ELAPOR2: variants seen among roughly 807,000 people sequenced by gnomAD.
The protein encoded by ELAPOR2 is endosome/lysosome-associated apoptosis and autophagy regulator family member 2.
Under a neutral mutation model 120.7 loss-of-function variants are expected in ELAPOR2, and 89 were observed. The ratio of observed to expected loss-of-function variants is 0.74; its 90% CI spans 0.62 to 0.88. The LOEUF (loss-of-function observed/expected upper bound fraction) is 0.88. Among genes scored for constraint, ELAPOR2 ranks in the 40% least tolerant of loss-of-function variants. ELAPOR2 has a pLI of 0.00. For missense variants in ELAPOR2, 1,134 were observed against 1,251.6 expected, an observed-to-expected ratio of 0.91 and a Z score of 1.42; for synonymous variants, 444 against 444.9, an observed-to-expected ratio of 1.00 and a Z score of 0.03.
chr7:87,053,129 T>C (rs1168772279), intron 1 of ELAPOR2, among the ~76,000 whole-genome samples: 1 of 152,126 alleles, frequency 6.6e-6, no homozygotes, highest in Non-Finnish European at 1.5e-5. Flanking sequence ...GGGTCTTAAA[T>C]CTGGCACAAC....
chr7:86,949,252 C>A (rs1359353986), intron 2 of ELAPOR2, among the ~76,000 whole-genome samples: 2 of 152,176 alleles, frequency 1.3e-5, no homozygotes, highest in African/African-American at 4.8e-5. Context: ...TGTACCACTT[C>A]CTAATTCTAT....
chr7:86,931,362 T>C (rs1333895306), intron 8 of ELAPOR2, among the ~76,000 whole-genome samples: 2 of 151,912 alleles, frequency 1.3e-5, no homozygotes, highest in African/African-American at 4.8e-5. Context: ...CAAAATGCCA[T>C]GAGTGCCCAA....
At position 86,880,458 on chromosome 7, in the gene ELAPOR2, C is replaced by T. The variant is rs200710520; in HGVS notation, c.*13G>A. The T allele has an allele frequency of 1.1e-5, 17 of 1,595,172 alleles. No homozygotes were observed. The highest frequency in any genetic ancestry group is 6.7e-5 in the East Asian group (3 of 44,748). On this transcript the variant is annotated 3_prime_UTR_variant, in exon 22 of 22. Coordinates refer to ENST00000450689, the MANE Select transcript of ELAPOR2 (RefSeq NM_001142749.3). Reference sequence around the variant, plus strand: ...TCTTTGTTCATTAGTCTCAAGGCTACAGCACTGTCTCTTCATATATTTGGG... The same window carrying T: ...TCTTTGTTCATTAGTCTCAAGGCTATAGCACTGTCTCTTCATATATTTGGG...
chr7:86,934,456 G>A (rs1048583508), intron 8 of ELAPOR2, among the ~76,000 whole-genome samples: 2 of 152,030 alleles, frequency 1.3e-5, no homozygotes, highest in African/African-American at 4.8e-5. Flanking sequence ...ATTCAATGTT[G>A]CCAAATCCAA....
intron 15 of ELAPOR2, chr7:86,911,735 T>G (rs1247835933): frequency 2.1e-6 from 1 of 483,912 alleles, no homozygotes; most frequent in Middle Eastern, 3.1e-4. Flanking sequence ...ACAGTAAAAC[T>G]TTCTCAAATA....
At chr7:86,954,100 T>C (rs1791375268) in intron 2 of ELAPOR2, among the ~76,000 whole-genome samples, 1 of 152,204 alleles carries the variant, frequency 6.6e-6, no homozygotes, top group Admixed American at 6.5e-5. Context: ...TTAGGCAATT[T>C]ACTTAACCTC....
At chr7:86,888,410 G>A (rs1323926010) in intron 21 of ELAPOR2, among the ~76,000 whole-genome samples, 1 of 152,002 alleles carries the variant, frequency 6.6e-6, no homozygotes, top group Non-Finnish European at 1.5e-5. Flanking sequence ...GGGACATTAA[G>A]AATCATATGA....
rs1795359640 is a variant in ELAPOR2 at position 87,059,340 on chromosome 7, A to G, written c.174T>C (p.Leu58=). The G allele has an allele frequency of 2.4e-6, 3 of 1,248,216 alleles. No homozygotes were observed. The Admixed American group carries it at 1.3e-4, about 53-fold the overall frequency. 77.3% of individuals were successfully genotyped at this position (1,248,216 alleles called of 1,614,324 possible). Residue 58 remains leucine, a synonymous_variant, in exon 1 of 22, where the codon CTT becomes CTC. Coordinates refer to ENST00000450689, the MANE Select transcript of ELAPOR2 (RefSeq NM_001142749.3). ...TGCTGCTCACCTCCTGGCAAGGAGG[A>G]AGCGGGCGGCTGGAGGAGGAGGGCA... ...GDLPSSSSRP[L]PPCQEKDYHF...
At chr7:86,904,368 A>G (rs760578001) in intron 18 of ELAPOR2, among the ~76,000 whole-genome samples, 1 of 152,200 alleles carries the variant, frequency 6.6e-6, no homozygotes, top group Non-Finnish European at 1.5e-5. Context: ...AGGTTTGGGA[A>G]GCCTTTTAGG....
At chr7:86,885,578 C>T (rs181809686) in intron 21 of ELAPOR2, among the ~76,000 whole-genome samples, 6 of 152,184 alleles carry the variant, frequency 3.9e-5, no homozygotes, top group South Asian at 2.1e-4. Flanking sequence ...TTTCCTGTTA[C>T]CAAGAGGGAC....
chr7:86,893,115 A>T lies in ELAPOR2; in HGVS notation c.2686-15T>A. The T allele has an allele frequency of 6.6e-7, 1 of 1,513,950 alleles. No individual in the cohort carries two copies. The highest frequency in any genetic ancestry group is 8.8e-7 in the Non-Finnish European group (1 of 1,133,804). The allele number at this position is 1,513,950 out of a possible 1,614,324, so 93.8% of individuals were successfully genotyped here. A position where few individuals can be genotyped will look rare whatever the true frequency, so the allele number is the denominator to read the frequency against. ...TACAAGGTTTCCTTTAAAAAAAAAA[A>T]CATAAAACCATAGAAGACATGAGAA... On this transcript the variant is annotated splice_polypyrimidine_tract_variant and intron_variant, in intron 19 of 21. Coordinates refer to ENST00000450689, the MANE Select transcript of ELAPOR2 (RefSeq NM_001142749.3).
At chr7:86,927,449 AT>A (rs1790126612) in intron 8 of ELAPOR2, among the ~76,000 whole-genome samples, 1 of 151,942 alleles carries the variant, frequency 6.6e-6, no homozygotes, top group Admixed American at 6.6e-5. Context: ...CAATAACCTG[AT>A]GTTAGACTAC....
intron 9 of ELAPOR2, among the ~76,000 whole-genome samples, chr7:86,926,057 C>T (rs1195774373): frequency 2.0e-5 from 3 of 152,018 alleles, no homozygotes; most frequent in Non-Finnish European, 2.9e-5. Context: ...AAAGATTTCA[C>T]TCTTCCTATT....
intron 1 of ELAPOR2, among the ~76,000 whole-genome samples, chr7:87,027,905 G>A (rs997965757): frequency 1.3e-5 from 2 of 152,142 alleles, no homozygotes; most frequent in Non-Finnish European, 2.9e-5. Context: ...GAAAAGTCAT[G>A]TGCTGTAAAG....
Position 86,938,229 on chromosome 7 carries a change from A to T in ELAPOR2, c.1001-15T>A. ...GGATCCTTCCTCTGCAACATAAAAA[A>T]AGCGTTTCAGAAATGGGTCAATTAT... On this transcript the variant is annotated splice_polypyrimidine_tract_variant and intron_variant, in intron 7 of 21. Coordinates refer to ENST00000450689, the MANE Select transcript of ELAPOR2 (RefSeq NM_001142749.3). 6.5e-7 allele frequency: 1 copy of T among 1,539,504 alleles called. No homozygotes were observed. Among genetic ancestry groups the T allele is most frequent in the Non-Finnish European group, 8.8e-7 (1 of 1,138,844 alleles).
At position 86,925,541 on chromosome 7, in the gene ELAPOR2, G is replaced by C. The variant is rs531687349; in HGVS notation, c.1386C>G (p.Cys462Trp). ...TTTTGAACTTACCATTCATTCCATC[G>C]CACTTTGAATTCCCAACATTGAAGC... Reference protein sequence around the residue: ...TSCFNVGNSKCDGMNGWEVAG... With the variant: ...TSCFNVGNSKWDGMNGWEVAG... Residue 462 changes from cysteine to tryptophan, a missense_variant, in exon 10 of 22, where the codon TGC becomes TGG. Coordinates refer to ENST00000450689, the MANE Select transcript of ELAPOR2 (RefSeq NM_001142749.3). 1 of 1,611,430 alleles carries C rather than the reference G, an allele frequency of 6.2e-7. No individual in the cohort carries two copies. The highest frequency in any genetic ancestry group is 8.5e-7 in the Non-Finnish European group (1 of 1,178,248).
intron 18 of ELAPOR2, among the ~76,000 whole-genome samples, chr7:86,898,856 C>T (rs1422969236): frequency 6.6e-6 from 1 of 151,968 alleles, no homozygotes; most frequent in Admixed American, 6.6e-5. Context: ...TGTACTTAGG[C>T]GAGGTACTTT....
chr7:87,002,566 A>T (rs1793352368), intron 1 of ELAPOR2, among the ~76,000 whole-genome samples: 1 of 152,050 alleles, frequency 6.6e-6, no homozygotes, highest in African/African-American at 2.4e-5. Context: ...GGCACACAAG[A>T]TTCTGAGAGG....
chr7:86,927,715 A>G (rs1790138554), intron 8 of ELAPOR2, among the ~76,000 whole-genome samples: 1 of 152,058 alleles, frequency 6.6e-6, no homozygotes, highest in African/African-American at 2.4e-5. Flanking sequence ...CAAATGGGTT[A>G]GCCATTCGAA....
Sources: allele counts gnomAD v4.1 joint callset (sites outside exome capture counted in the v4.1 genomes callset), GRCh38; gene constraint gnomAD v4.1.1; transcripts MANE v1.5; gene names NCBI Gene and HGNC (gene_info 2026-07-23, HGNC 2026-07-21).